GMFB: variants seen among roughly 807,000 people sequenced by gnomAD.
GMFB encodes GMF-beta.
A neutral mutation model predicts 25.6 loss-of-function variants in GMFB; 13 were observed. The observed-to-expected ratio is 0.51, with a 90% CI of 0.33 to 0.81. The LOEUF (loss-of-function observed/expected upper bound fraction) is 0.81, where lower values mean the gene tolerates loss of function less well. GMFB is among the 30% of genes least tolerant of loss of function. GMFB has a pLI of 0.02. For missense variants in GMFB, 146 were observed against 175.4 expected, an observed-to-expected ratio of 0.83 and a Z score of 0.95; for synonymous variants, 57 against 56.9, an observed-to-expected ratio of 1.00 and a Z score of 0.00.
chr14:54,487,672 C>T (rs1371118035), intron 1 of GMFB, among the ~76,000 whole-genome samples: 2 of 152,190 alleles, frequency 1.3e-5, no homozygotes, highest in African/African-American at 4.8e-5. Context: ...GAGATCCCGC[C>T]ATTGCACTCC....
rs1594633456 is a variant in GMFB at position 54,481,215 on chromosome 14, GT to G, written c.200+193del. 5.2e-6 allele frequency: 3 copies of G among 577,758 alleles called. No individual in the cohort carries two copies. In the East Asian group the frequency reaches 8.3e-5, roughly 16 times the overall value. The allele number at this position is 577,758 out of a possible 1,614,324, so 35.8% of individuals were successfully genotyped here. A position where few individuals can be genotyped will look rare whatever the true frequency, so the allele number is the denominator to read the frequency against. ...TGTACACGTTATAATAAAGGAAATA[GT>G]TTTAAAAAGAAAATTATTCATCCCA... On this transcript the variant is annotated intron_variant, in intron 4 of 6. Transcript: ENST00000358056.
At chr14:54,478,814 A>G (rs534861976) in intron 6 of GMFB, 1 of 152,250 alleles carries the variant, frequency 6.6e-6, no homozygotes, top group African/African-American at 2.4e-5. Context: ...TATCTACAGA[A>G]TATCTCACAG....
intron 1 of GMFB, among the ~76,000 whole-genome samples, chr14:54,486,512 G>A (rs554560384): frequency 6.6e-6 from 1 of 152,126 alleles, no homozygotes; most frequent in Non-Finnish European, 1.5e-5. Context: ...AACAACGAGT[G>A]AAGAGACAAC....
chr14:54,486,637 A>ATAGT (rs1004680072), intron 1 of GMFB, among the ~76,000 whole-genome samples: 5 of 152,212 alleles, frequency 3.3e-5, no homozygotes, highest in Non-Finnish European at 4.4e-5. Flanking sequence ...AGTCCTAATA[A>ATAGT]TAGTTAACAT....
intron 5 of GMFB, chr14:54,480,628 T>C (rs1021574771): frequency 2.9e-6 from 1 of 343,484 alleles, no homozygotes; most frequent in African/African-American, 2.1e-5. Flanking sequence ...TTAAAATACA[T>C]GTATGATTTG....
chr14:54,483,426 C>T, intron 2 of GMFB: 1 of 428,612 alleles, frequency 2.3e-6, no homozygotes, highest in Admixed American at 4.1e-5. Flanking sequence ...ACCAAGACGA[C>T]CGCCTTCTCC....
chr14:54,485,131 A>G (rs911605458), intron 1 of GMFB, among the ~76,000 whole-genome samples: 3 of 152,156 alleles, frequency 2.0e-5, no homozygotes, highest in Non-Finnish European at 2.9e-5. Flanking sequence ...AGGATGCCCA[A>G]TTGTACCACT....
At chr14:54,482,240 A>G in intron 2 of GMFB, 38 bp from the exon 3 acceptor site, 1 of 1,371,648 alleles carries the variant, frequency 7.3e-7, no homozygotes. Context: ...CTGGGATTCT[A>G]ATGTGACCCT....
At chr14:54,481,603 A>C in intron 3 of GMFB, 145 bp from the exon 4 acceptor site, 1 of 617,748 alleles carries the variant, frequency 1.6e-6, no homozygotes, top group Non-Finnish European at 2.9e-6. Context: ...ATTATACATA[A>C]ACTCAGGTTA....
chr14:54,484,898 ATACAT>A (rs543062423), intron 1 of GMFB, among the ~76,000 whole-genome samples: 443 of 152,350 alleles, frequency 2.9e-3, no homozygotes, highest in Non-Finnish European at 4.9e-3. Context: ...AATAAATGTG[ATACAT>A]TACATTAACA....
At chr14:54,479,684 C>A in intron 6 of GMFB, 102 bp downstream of exon 6, 2 of 666,378 alleles carry the variant, frequency 3.0e-6, no homozygotes, top group South Asian at 1.8e-5. Flanking sequence ...GTCTAAATAA[C>A]CTTCACCTGC....
Position 54,476,927 on chromosome 14 carries a change from A to C in GMFB, c.*1161T>G, listed in dbSNP as rs1217312172. 2.0e-5 allele frequency: 3 copies of C among 152,006 alleles called. No individual in the cohort carries two copies. Among genetic ancestry groups the C allele is most frequent in the African/African-American group, 7.2e-5 (3 of 41,426 alleles). 9.4% of individuals were successfully genotyped at this position (152,006 alleles called of 1,614,324 possible). On this transcript the variant is annotated 3_prime_UTR_variant, in exon 7 of 7. Transcript: ENST00000358056. ...ATGCCAAGAGTACCATCATCTAACA[A>C]GACTGGTTTAGTTAACTATTCAGGC... is the stretch of plus-strand genomic sequence containing the variant.
chr14:54,488,445 G>A (rs1389576866), intron 1 of GMFB, among the ~76,000 whole-genome samples: 1 of 152,264 alleles, frequency 6.6e-6, no homozygotes, highest in Admixed American at 6.5e-5. Context: ...GCTAAGGTGA[G>A]GCCGAGAGAA....
chr14:54,486,111 G>A (rs1290858712), intron 1 of GMFB, among the ~76,000 whole-genome samples: 10 of 152,052 alleles, frequency 6.6e-5, no homozygotes, highest in African/African-American at 1.7e-4. Context: ...TTAGCTGGGC[G>A]TGGTGGCAAG....
At chr14:54,481,960 C>T (rs377731362) in intron 3 of GMFB, among the ~76,000 whole-genome samples, 193 bp downstream of exon 3, 12 of 152,258 alleles carry the variant, frequency 7.9e-5, no homozygotes, top group African/African-American at 2.9e-4. Context: ...CTGGACTTCA[C>T]TAATGCTTTT....
rs1027790314 is a variant in GMFB, at chr14:54,476,291, T to TA, written c.*1796dup. ...TGCAAGACAAAATAAGGAACTTCAT[T>TA]AAAAAATACATTCTTGCAGCACTAG... On this transcript the variant is annotated 3_prime_UTR_variant, in exon 7 of 7. Coordinates refer to ENST00000358056, the MANE Select transcript of GMFB (RefSeq NM_004124.3). The TA allele has an allele frequency of 4.6e-5, 7 of 152,132 alleles. 1 individual carries two copies. Among genetic ancestry groups the TA allele is most frequent in the Admixed American group, 6.5e-5 (1 of 15,278 alleles). 9.4% of individuals were successfully genotyped at this position (152,132 alleles called of 1,614,324 possible). A position where few individuals can be genotyped will look rare whatever the true frequency, so the allele number is the denominator to read the frequency against.
At chr14:54,488,548 G>C (rs1433123041) in intron 1 of GMFB, 1 of 230,778 alleles carries the variant, frequency 4.3e-6, no homozygotes, top group Non-Finnish European at 8.4e-6. Context: ...GGCCCTGGCA[G>C]GGAAAGCAGG....
intron 5 of GMFB, 144 bp from the exon 6 acceptor site, chr14:54,480,003 C>T: frequency 1.7e-6 from 1 of 582,482 alleles, no homozygotes; most frequent in South Asian, 2.1e-5. Context: ...TATTTTGAGT[C>T]TTACATTGCA....
chr14:54,488,858 A>C, intron 1 of GMFB, 67 bp downstream of exon 1: 1 of 1,437,328 alleles, frequency 7.0e-7, no homozygotes, highest in Non-Finnish European at 9.4e-7. Flanking sequence ...CGGCTCCGGA[A>C]ACCGGGAAAA....
Sources: allele counts gnomAD v4.1 joint callset (sites outside exome capture counted in the v4.1 genomes callset), GRCh38; gene constraint gnomAD v4.1.1; transcripts MANE v1.5; gene names NCBI Gene and HGNC (gene_info 2026-07-23, HGNC 2026-07-21).